KLF8: variants seen among roughly 807,000 people sequenced by gnomAD.
The protein encoded by KLF8 is KLF transcription factor 8, also known as Krueppel-like factor 8.
KLF8 carries 10 observed loss-of-function variants against 18.2 expected under a neutral mutation model. The observed-to-expected ratio is 0.55, with a 90% CI of 0.34 to 0.93. KLF8 has a LOEUF of 0.93. Among genes scored for constraint, KLF8 ranks in the 40% least tolerant of loss-of-function variants. The pLI is 0.02. For synonymous variants in KLF8, 109 were observed against 97.3 expected, an observed-to-expected ratio of 1.12 and a Z score of -0.71; for missense variants, 264 against 277.9, an observed-to-expected ratio of 0.95 and a Z score of 0.36.
the KLF8 span, among the ~76,000 whole-genome samples, chrX:56,006,678 A>G: frequency 8.9e-6 from 1 of 112,383 alleles, no homozygotes; most frequent in Non-Finnish European, 1.9e-5. Context: ...CCACTTTTAA[A>G]TGGGATTATT....
the KLF8 span, among the ~76,000 whole-genome samples, chrX:55,982,238 A>C: frequency 8.9e-6 from 1 of 111,817 alleles, no homozygotes; most frequent in Non-Finnish European, 1.9e-5. Flanking sequence ...CCTAACATTA[A>C]TGTTTTGTAG....
At chrX:56,016,751 C>A in the KLF8 span, among the ~76,000 whole-genome samples, 1 of 111,577 alleles carries the variant, frequency 9.0e-6, no homozygotes, top group South Asian at 3.8e-4. Context: ...CTGCCTAGTG[C>A]CACACAATAT....
chrX:56,175,353 T>A, the KLF8 span, among the ~76,000 whole-genome samples: 6 of 112,298 alleles, frequency 5.3e-5, no homozygotes, highest in African/African-American at 1.9e-4. Flanking sequence ...TTTCGTTATG[T>A]ACCGAGTAGT....
chrX:55,961,307 A>C, the KLF8 span: 20 of 402,323 alleles, frequency 5.0e-5, no homozygotes, highest in Non-Finnish European at 8.1e-5. Flanking sequence ...TGGTGGACCT[A>C]TGTGGAGATG....
the KLF8 span, among the ~76,000 whole-genome samples, chrX:56,009,757 A>G: frequency 0.22 from 24,366 of 111,906 alleles, 5,444 homozygotes; most frequent in African/African-American, 0.69. Context: ...AGTTTAGAGA[A>G]GAACATAAAT....
At chrX:55,923,705 C>CGTGTGTGTGTGT in the KLF8 span, among the ~76,000 whole-genome samples, 100 of 98,310 alleles carry the variant, frequency 1.0e-3, 1 homozygote, top group African/African-American at 3.5e-3. Context: ...TAAAGATCCA[C>CGTGTGTGTGTGT]GTGTGTGTGT....
the KLF8 span, among the ~76,000 whole-genome samples, chrX:56,158,150 G>T: frequency 5.4e-4 from 60 of 111,030 alleles, no homozygotes; most frequent in South Asian, 0.01. Context: ...ATAGGGAATC[G>T]TTTCCCCATT....
chrX:56,054,186 C>A, the KLF8 span, among the ~76,000 whole-genome samples: 1 of 110,617 alleles, frequency 9.0e-6, no homozygotes, highest in Non-Finnish European at 1.9e-5. Context: ...GGCTGGAGTG[C>A]AGTGGCATGC....
At chrX:56,071,066 T>C in the KLF8 span, among the ~76,000 whole-genome samples, 2 of 111,791 alleles carry the variant, frequency 1.8e-5, no homozygotes, top group Non-Finnish European at 3.8e-5. Flanking sequence ...GTATAATAGA[T>C]AACCTAGATA....
At chrX:56,100,150 G>A in the KLF8 span, among the ~76,000 whole-genome samples, 1 of 111,065 alleles carries the variant, frequency 9.0e-6, no homozygotes, top group African/African-American at 3.3e-5. Context: ...TCACCATTCC[G>A]AGAACCCAAG....
the KLF8 span, chrX:55,962,270 A>C: frequency 5.4e-6 from 1 of 184,597 alleles, no homozygotes; most frequent in African/African-American, 3.0e-5. Flanking sequence ...GCTGGTCTCC[A>C]ACCTAAAGAA....
chrX:56,107,705 A>G, the KLF8 span, among the ~76,000 whole-genome samples: 1 of 111,157 alleles, frequency 9.0e-6, no homozygotes. Context: ...GCTCTGCTTC[A>G]GGTCGCCCTC....
the KLF8 span, among the ~76,000 whole-genome samples, chrX:55,956,322 C>T: frequency 1.8e-5 from 2 of 111,674 alleles, no homozygotes; most frequent in South Asian, 7.4e-4. Flanking sequence ...AGGGTTGCTT[C>T]TACTTCTTGG....
chrX:56,175,278 G>T, the KLF8 span, among the ~76,000 whole-genome samples: 4 of 111,999 alleles, frequency 3.6e-5, no homozygotes, highest in African/African-American at 1.3e-4. Context: ...ATGTGTCCCA[G>T]AGATTCTGGT....
the KLF8 span, among the ~76,000 whole-genome samples, chrX:56,095,456 A>G: frequency 8.9e-6 from 1 of 111,772 alleles, no homozygotes; most frequent in African/African-American, 3.3e-5. Flanking sequence ...ACAATAGAAA[A>G]GTAGACAAAT....
the KLF8 span, among the ~76,000 whole-genome samples, chrX:56,188,464 C>T: frequency 9.0e-5 from 10 of 111,531 alleles, no homozygotes; most frequent in African/African-American, 2.9e-4. Context: ...TTTATAGATT[C>T]AATGCCATCC....
chrX:56,157,282 G>A, the KLF8 span, among the ~76,000 whole-genome samples: 5 of 109,388 alleles, frequency 4.6e-5, no homozygotes, highest in East Asian at 1.5e-3. Context: ...TATAACTAAT[G>A]TAAATCACAA....
the KLF8 span, among the ~76,000 whole-genome samples, chrX:56,187,342 A>G: frequency 8.9e-6 from 1 of 112,015 alleles, no homozygotes; most frequent in Non-Finnish European, 1.9e-5. Flanking sequence ...GAATCTCTGC[A>G]TAGACCAATA....
At chrX:56,255,025 A>C (rs753156099) in intron 2 of KLF8, among the ~76,000 whole-genome samples, 4 of 112,443 alleles carry the variant, frequency 3.6e-5, no homozygotes, top group Non-Finnish European at 7.5e-5. Flanking sequence ...GGACATTTCA[A>C]CAATATTGAT....
Sources: gnomAD v4.1 joint callset for allele counts (sites outside exome capture counted in the v4.1 genomes callset) on GRCh38, gnomAD v4.1.1 for gene constraint, MANE v1.5 for transcripts, NCBI Gene and HGNC (gene_info 2026-07-23, HGNC 2026-07-21) for gene names.